The following ANO10 variants were observed in gnomAD, a reference collection of about 807,000 sequenced individuals.
ANO10 encodes the protein anoctamin-10.
A neutral mutation model predicts 74.7 loss-of-function variants in ANO10; 77 were observed. The ratio of observed to expected loss-of-function variants is 1.03; its 90% CI spans 0.86 to 1.25. ANO10 has a LOEUF of 1.25. Ranked by LOEUF, ANO10 falls within the 50% of genes most tolerant of loss-of-function variation. The pLI is 0.00. For missense variants in ANO10, 721 were observed against 778.1 expected (o/e 0.93, Z 0.87); for synonymous variants, 279 against 284.9 (o/e 0.98, Z 0.21).
At chr3:43,635,675 A>G (rs1013355105) in intron 1 of ANO10, among the ~76,000 whole-genome samples, 13 of 148,084 alleles carry the variant, frequency 8.8e-5, no homozygotes, top group African/African-American at 2.5e-4. Context: ...ACTGGAGTGC[A>G]GTGGTGAGAT....
At chr3:43,372,627 A>G (rs1390015652) in intron 12 of ANO10, 2 of 499,356 alleles carry the variant, frequency 4.0e-6, no homozygotes, top group African/African-American at 1.9e-5. Flanking sequence ...CTCCCCCGTC[A>G]CCATCCCATC....
At chr3:43,511,565 C>T (rs969035629) in intron 11 of ANO10, among the ~76,000 whole-genome samples, 17 of 152,140 alleles carry the variant, frequency 1.1e-4, no homozygotes, top group Admixed American at 3.9e-4. Flanking sequence ...AGAGCCCATT[C>T]GTTTGTTTTT....
upstream of ANO10, among the ~76,000 whole-genome samples, chr3:43,624,572 C>T (rs1205512795): frequency 3.9e-5 from 6 of 152,180 alleles, no homozygotes; most frequent in Admixed American, 2.0e-4. Flanking sequence ...TTGCTGTCTG[C>T]CATGATTTTA....
At chr3:43,670,324 TTAAA>T (rs61670690) in intron 1 of ANO10, among the ~76,000 whole-genome samples, 3,570 of 145,974 alleles carry the variant, frequency 0.024, 86 homozygotes, top group African/African-American at 0.059. Context: ...AGACCCTTTC[TTAAA>T]TAAATAAATA....
At chr3:43,443,418 G>A (rs146677685) in intron 11 of ANO10, among the ~76,000 whole-genome samples, 79 of 152,312 alleles carry the variant, frequency 5.2e-4, no homozygotes, top group African/African-American at 1.9e-3. Flanking sequence ...ACTTTAGGCA[G>A]ACAAGGGAAC....
intron 12 of ANO10, among the ~76,000 whole-genome samples, chr3:43,402,158 T>C (rs1339012744): frequency 6.6e-6 from 1 of 152,132 alleles, no homozygotes; most frequent in East Asian, 1.9e-4. Flanking sequence ...AAACAAAAAA[T>C]GTAATTATCA....
chr3:43,561,387 G>A lies in ANO10; in HGVS notation c.1309C>T (p.Leu437=), dbSNP rs1427478924. The A allele has an allele frequency of 6.2e-7, 1 of 1,614,116 alleles. No homozygotes were observed. Among genetic ancestry groups the A allele is most frequent in the East Asian group, 2.2e-5 (1 of 44,868 alleles). Reference sequence around the variant, plus strand: ...TGGTTGAGGATCTGGGAGGTAATTAGGAGAGTGGCCAAGCTCTAAAGAGAA... The same window carrying A: ...TGGTTGAGGATCTGGGAGGTAATTAAGAGAGTGGCCAAGCTCTAAAGAGAA... ...KLLRQSLATL[L]ITSQILNQIM... The change falls in exon 9 of 13, where the codon CTA becomes TTA. Residue 437 remains leucine (L), a synonymous_variant. Transcript: ENST00000292246.
chr3:43,425,199 A>C (rs575573425), intron 12 of ANO10, among the ~76,000 whole-genome samples: 4 of 148,908 alleles, frequency 2.7e-5, no homozygotes, highest in Non-Finnish European at 5.9e-5. Flanking sequence ...ATTTACTGTA[A>C]CTTTTTTTTT....
intron 4 of ANO10, among the ~76,000 whole-genome samples, chr3:43,593,914 G>A (rs913908029): frequency 4.6e-5 from 7 of 152,058 alleles, no homozygotes; most frequent in East Asian, 1.9e-4. Context: ...GGATGGAGGA[G>A]GATCTACCAA....
intron 11 of ANO10, among the ~76,000 whole-genome samples, chr3:43,489,695 T>C (rs1275076400): frequency 4.6e-5 from 7 of 152,130 alleles, no homozygotes; most frequent in Non-Finnish European, 8.8e-5. Context: ...TCAGAACATA[T>C]AGTTCAATTA....
chr3:43,659,154 T>A (rs1435451438), intron 1 of ANO10, among the ~76,000 whole-genome samples: 1 of 151,642 alleles, frequency 6.6e-6, no homozygotes, highest in Non-Finnish European at 1.5e-5. Context: ...AAAAGACAGG[T>A]GATTTCTGCA....
chr3:43,383,102 C>T (rs2092014463), intron 12 of ANO10, among the ~76,000 whole-genome samples: 1 of 152,100 alleles, frequency 6.6e-6, no homozygotes, highest in Non-Finnish European at 1.5e-5. Flanking sequence ...CCCTGATGAA[C>T]ATAGATGCAA....
At chr3:43,473,444 T>G (rs1215719088) in intron 11 of ANO10, among the ~76,000 whole-genome samples, 1 of 152,158 alleles carries the variant, frequency 6.6e-6, no homozygotes, top group Non-Finnish European at 1.5e-5. Context: ...CTCTGAGCCC[T>G]ACAGGCACAG....
rs1054611332 is a variant in ANO10, at chr3:43,576,621, T to C, written c.1162+71A>G. 4.0e-6 allele frequency: 6 copies of C among 1,500,714 alleles called. No homozygotes were observed. In the African/African-American group the frequency reaches 6.9e-5, roughly 17 times the overall value. 93.0% of individuals were successfully genotyped at this position (1,500,714 alleles called of 1,614,324 possible). A position where few individuals can be genotyped will look rare whatever the true frequency, so the allele number is the denominator to read the frequency against. ...TATTTTCTCTGCAAGGTAGCAGCTA[T>C]GTGAATCCCATGATCTAGGCAACAT... On this transcript the variant is annotated intron_variant, in intron 6 of 12. Coordinates refer to ENST00000292246, the MANE Select transcript of ANO10 (RefSeq NM_018075.5).
chr3:43,455,862 T>C (rs1468025877), intron 11 of ANO10, among the ~76,000 whole-genome samples: 3 of 152,066 alleles, frequency 2.0e-5, no homozygotes, highest in African/African-American at 7.2e-5. Flanking sequence ...AATTATAATA[T>C]CCTGTGGTAC....
chr3:43,662,587 C>T (rs1182639210), intron 1 of ANO10, among the ~76,000 whole-genome samples: 1 of 150,914 alleles, frequency 6.6e-6, no homozygotes, highest in Non-Finnish European at 1.5e-5. Context: ...GATAGAGACA[C>T]AAAAAAATAA....
chr3:43,631,108 G>A (rs907923277), intron 1 of ANO10, among the ~76,000 whole-genome samples: 10 of 152,090 alleles, frequency 6.6e-5, no homozygotes, highest in Admixed American at 2.0e-4. Context: ...CTGTCAGTGC[G>A]GTCTTCTCTC....
chr3:43,368,347 G>T (rs2091482507), intron 12 of ANO10, among the ~76,000 whole-genome samples: 1 of 152,116 alleles, frequency 6.6e-6, no homozygotes, highest in East Asian at 1.9e-4. Context: ...TGGAGTAGGG[G>T]GTAGACACAC....
At chr3:43,612,145 TATA>T in intron 1 of ANO10, among the ~76,000 whole-genome samples, 1 of 33,646 alleles carries the variant, frequency 3.0e-5, no homozygotes, top group Non-Finnish European at 5.0e-5. Context: ...ATATTTTATA[TATA>T]TATATATATA....
Sources: allele counts gnomAD v4.1 joint callset (sites outside exome capture counted in the v4.1 genomes callset), GRCh38; gene constraint gnomAD v4.1.1; transcripts MANE v1.5; gene names NCBI Gene and HGNC (gene_info 2026-07-23, HGNC 2026-07-21).